HPCAL1: variants seen among roughly 807,000 people sequenced by gnomAD.
HPCAL1 encodes hippocalcin-like protein 1.
A neutral mutation model predicts 17.1 loss-of-function variants in HPCAL1; 8 were observed. The observed-to-expected ratio is 0.47, with a 90% CI of 0.27 to 0.84. The LOEUF (loss-of-function observed/expected upper bound fraction) is 0.84. Ranked by LOEUF, HPCAL1 falls within the 40% of genes least tolerant of loss-of-function variation. HPCAL1 has a pLI of 0.13. For synonymous variants in HPCAL1, 112 were observed against 111.4 expected (o/e 1.01, Z -0.03); for missense variants, 165 against 271.1 (o/e 0.61, Z 2.75).
intron 2 of HPCAL1, among the ~76,000 whole-genome samples, chr2:10,418,282 T>TAAG (rs1219831064): frequency 6.7e-6 from 1 of 148,632 alleles, no homozygotes; most frequent in Non-Finnish European, 1.5e-5. Flanking sequence ...AATAAATAAA[T>TAAG]AAATAGCCAG....
At chr2:10,397,466 C>T (rs1477108476) in intron 2 of HPCAL1, among the ~76,000 whole-genome samples, 3 of 151,986 alleles carry the variant, frequency 2.0e-5, no homozygotes, top group Non-Finnish European at 4.4e-5. Flanking sequence ...GAGCAGTTAC[C>T]GTAGGCTGCC....
intron 2 of HPCAL1, among the ~76,000 whole-genome samples, chr2:10,399,505 C>CCACCACCATCACCACCAT (rs1669411184): frequency 8.2e-6 from 1 of 121,770 alleles, no homozygotes; most frequent in Admixed American, 8.0e-5. Flanking sequence ...ATCACCATCA[C>CCACCACCATCACCACCAT]CACCACCGCC....
intron 1 of HPCAL1, among the ~76,000 whole-genome samples, chr2:10,374,087 C>A (rs751581622): frequency 1.3e-5 from 2 of 152,130 alleles, no homozygotes; most frequent in Non-Finnish European, 2.9e-5. Flanking sequence ...CCACAGGCAG[C>A]GGCTCTTGCT....
intron 2 of HPCAL1, among the ~76,000 whole-genome samples, chr2:10,405,746 G>A (rs935344998): frequency 6.6e-5 from 10 of 152,206 alleles, no homozygotes; most frequent in African/African-American, 2.2e-4. Flanking sequence ...CAGGGTGGGG[G>A]CCTCGGGCAG....
chr2:10,410,933 C>T (rs1050230085), intron 2 of HPCAL1, among the ~76,000 whole-genome samples: 4 of 152,006 alleles, frequency 2.6e-5, no homozygotes, highest in African/African-American at 9.7e-5. Flanking sequence ...GCATTCCCCC[C>T]GCCCCCCGTT....
Position 10,396,861 on chromosome 2 carries a change from A to T in HPCAL1, c.-84A>T, listed in dbSNP as rs927329339. The T allele has an allele frequency of 1.3e-5, 2 of 152,212 alleles. No homozygotes were observed. Among genetic ancestry groups the T allele is most frequent in the Non-Finnish European group, 2.9e-5 (2 of 68,068 alleles). 9.4% of individuals were successfully genotyped at this position (152,212 alleles called of 1,614,324 possible). ...GGCATGGTCTAGTGGCCCAGTCAGGACGCGGAAACACTCCCTGGAGGTTCT... is the reference window on the plus strand; with the variant it reads ...GGCATGGTCTAGTGGCCCAGTCAGGTCGCGGAAACACTCCCTGGAGGTTCT... On this transcript the variant is annotated 5_prime_UTR_variant, in exon 2 of 5. Transcript: ENST00000307845.
At chr2:10,402,536 T>C (rs778566164) in intron 2 of HPCAL1, among the ~76,000 whole-genome samples, 1 of 152,194 alleles carries the variant, frequency 6.6e-6, no homozygotes, top group Non-Finnish European at 1.5e-5. Context: ...ATAAGTCACT[T>C]GCCAACAGTT....
intron 1 of HPCAL1, among the ~76,000 whole-genome samples, chr2:10,313,781 G>A (rs1252212195): frequency 6.6e-6 from 1 of 152,174 alleles, no homozygotes; most frequent in Admixed American, 6.5e-5. Flanking sequence ...TTGCATTGTA[G>A]GTACATCCAA....
At chr2:10,417,796 C>T (rs758525382) in intron 2 of HPCAL1, among the ~76,000 whole-genome samples, 1 of 151,750 alleles carries the variant, frequency 6.6e-6, no homozygotes, top group African/African-American at 2.4e-5. Flanking sequence ...AGTCCCAACA[C>T]ATTGGGAGGT....
At chr2:10,378,238 T>G (rs1017059768) in intron 1 of HPCAL1, among the ~76,000 whole-genome samples, 5 of 150,624 alleles carry the variant, frequency 3.3e-5, no homozygotes, top group Middle Eastern at 3.4e-3. Flanking sequence ...TTTTTTTTTT[T>G]TTTTTTTTTT....
rs988693556 is a variant in HPCAL1 at position 10,406,582 on chromosome 2, T to A, written c.-25+9662T>A. 3.8e-4 allele frequency among the ~76,000 whole-genome samples: 58 copies of A among 152,254 alleles called. 2 individuals are homozygous for A. ...GGGGTCTGTCACTGAAAACCCCAAC[T>A]TCGCCTTCAAAGCGAGATCCTGGGT... is the stretch of plus-strand genomic sequence containing the variant. On this transcript the variant is annotated intron_variant, in intron 2 of 4. Transcript: ENST00000307845.
chr2:10,380,105 C>T lies in HPCAL1; in HGVS notation c.-110-16730C>T, dbSNP rs1450116334. On this transcript the variant is annotated intron_variant, in intron 1 of 4. Transcript: ENST00000307845. ...CACGAGTACCTGCGTCTCAGAGCTG[C>T]AGACTGAGTGTGTTGTGCAATTGTT... is the stretch of plus-strand genomic sequence containing the variant. Among the ~76,000 whole-genome samples, 6 of 152,334 alleles carry T rather than the reference C, an allele frequency of 3.9e-5. 1 individual carries two copies. The highest frequency in any genetic ancestry group is 1.4e-4 in the African/African-American group (6 of 41,572).
At position 10,394,132 on chromosome 2, in the gene HPCAL1, A is replaced by AAAC. The variant is rs906980349; in HGVS notation, c.-110-2701_-110-2700insCAA. On this transcript the variant is annotated intron_variant, in intron 1 of 4. Transcript: ENST00000307845. The surrounding 1 kb of genome is among the most constrained non-coding windows in gnomAD (Gnocchi z 5.0). ...CCTGTCTCCTGAAAAACAAACAAACAAAAAAAAAACCTTGTAACTAACCAG... is the reference window on the plus strand; with the variant it reads ...CCTGTCTCCTGAAAAACAAACAAACAAACAAAAAAAAACCTTGTAACTAACCAG... Among the ~76,000 whole-genome samples the AAAC allele has an allele frequency of 5.1e-5, 1 of 19,662 alleles. No individual in the cohort carries two copies. The highest frequency in any genetic ancestry group is 3.8e-4 in the African/African-American group (1 of 2,656). The allele number at this position is 19,662 out of a possible 152,430, so 12.9% of individuals were successfully genotyped here.
intron 1 of HPCAL1, among the ~76,000 whole-genome samples, chr2:10,334,122 G>A (rs1436512101): frequency 1.3e-5 from 2 of 152,156 alleles, no homozygotes; most frequent in East Asian, 1.9e-4. Flanking sequence ...ATTTGTGCGC[G>A]TTTTACGCTC....
intron 2 of HPCAL1, among the ~76,000 whole-genome samples, chr2:10,408,166 T>C (rs979545307): frequency 2.6e-5 from 4 of 152,222 alleles, no homozygotes; most frequent in Non-Finnish European, 5.9e-5. Flanking sequence ...TCTCCACCTC[T>C]TCCTTCTCAC....
chr2:10,415,437 C>T (rs932251415), intron 2 of HPCAL1, among the ~76,000 whole-genome samples: 1 of 152,170 alleles, frequency 6.6e-6, no homozygotes, highest in African/African-American at 2.4e-5. Context: ...AGGACACTTG[C>T]CATGTTCTAT....
intron 1 of HPCAL1, among the ~76,000 whole-genome samples, chr2:10,382,593 TAA>T (rs70948887): frequency 0.028 from 3,524 of 127,966 alleles, 70 homozygotes; most frequent in African/African-American, 0.046. Context: ...GTTCATTAAT[TAA>T]AAAAAAAAAA....
intron 1 of HPCAL1, among the ~76,000 whole-genome samples, chr2:10,376,910 A>G (rs1007546126): frequency 6.9e-6 from 1 of 144,634 alleles, no homozygotes; most frequent in African/African-American, 2.6e-5. Context: ...AGCGTATTGT[A>G]TTGTGTGTAG....
At chr2:10,313,045 G>T (rs1313483793) in intron 1 of HPCAL1, among the ~76,000 whole-genome samples, 1 of 152,218 alleles carries the variant, frequency 6.6e-6, no homozygotes, top group African/African-American at 2.4e-5. Context: ...TTGGTGTGGT[G>T]ATTAGGGTAG....
Sources: allele counts gnomAD v4.1 joint callset (sites outside exome capture counted in the v4.1 genomes callset), GRCh38; gene constraint gnomAD v4.1.1; non-coding constraint Gnocchi (gnomAD v3.1); transcripts MANE v1.5; gene names NCBI Gene and HGNC (gene_info 2026-07-23, HGNC 2026-07-21).